RGS7BP: variants seen among roughly 807,000 people sequenced by gnomAD.
RGS7BP encodes the protein regulator of G protein signaling 7 binding protein.
In RGS7BP, 9 loss-of-function variants were observed where a neutral mutation model predicts 31.3. That is an observed-to-expected ratio of 0.29 (90% CI 0.17 to 0.50). The LOEUF (loss-of-function observed/expected upper bound fraction) is 0.50. RGS7BP is among the 20% of genes least tolerant of loss of function. The pLI, the probability that RGS7BP is intolerant of heterozygous loss-of-function variation, is 0.98. For missense variants in RGS7BP, 274 were observed against 322.0 expected (o/e 0.85, Z 1.14); for synonymous variants, 115 against 120.1 (o/e 0.96, Z 0.28).
intron 2 of RGS7BP, among the ~76,000 whole-genome samples, chr5:64,571,589 G>A (rs1742301939): frequency 6.6e-6 from 1 of 152,140 alleles, no homozygotes; most frequent in South Asian, 2.1e-4. Context: ...TGGGCATTAT[G>A]AGTCTTTTTT....
intron 3 of RGS7BP, among the ~76,000 whole-genome samples, chr5:64,582,784 A>G (rs1378758066): frequency 6.6e-6 from 1 of 152,238 alleles, no homozygotes; most frequent in Non-Finnish European, 1.5e-5. Flanking sequence ...CTCAAGACAA[A>G]GAATAAAATA....
At chr5:64,528,810 CAAAAAAAAAAAAAAAAA>C (rs61488452) in intron 2 of RGS7BP, among the ~76,000 whole-genome samples, 1 of 65,272 alleles carries the variant, frequency 1.5e-5, no homozygotes, top group East Asian at 4.7e-4. Context: ...GACTCCATCT[CAAAAAAAAAAAAAAAAA>C]AAAAAAAAAA....
At chr5:64,538,546 C>CTTTTTTTTTTTTTTTTCTTTTTT (rs1741443057) in intron 2 of RGS7BP, among the ~76,000 whole-genome samples, 1 of 40,024 alleles carries the variant, frequency 2.5e-5, no homozygotes, top group African/African-American at 1.1e-4. Flanking sequence ...TTTTCCTTTT[C>CTTTTTTTTTTTTTTTTCTTTTTT]TTTTTTTTTT....
intron 2 of RGS7BP, among the ~76,000 whole-genome samples, chr5:64,533,421 C>A (rs1468893619): frequency 6.6e-6 from 1 of 152,202 alleles, no homozygotes; most frequent in Admixed American, 6.5e-5. Context: ...ATAAATATCT[C>A]CCAGAACACG....
intron 2 of RGS7BP, among the ~76,000 whole-genome samples, chr5:64,538,546 CTTTTTTT>C (rs1191560944): frequency 1.2e-4 from 5 of 40,036 alleles, no homozygotes; most frequent in African/African-American, 4.5e-4. Flanking sequence ...TTTTCCTTTT[CTTTTTTT>C]TTTTTTTTTT....
intron 2 of RGS7BP, among the ~76,000 whole-genome samples, chr5:64,540,341 A>G (rs1741496249): frequency 6.6e-6 from 1 of 152,190 alleles, no homozygotes; most frequent in Non-Finnish European, 1.5e-5. Context: ...TTTTCATTTA[A>G]CAGTATAATA....
At chr5:64,507,689 A>C (rs1394727268) in intron 1 of RGS7BP, 22 bp from the exon 2 acceptor site, 2 of 1,553,810 alleles carry the variant, frequency 1.3e-6, no homozygotes, top group South Asian at 2.4e-5. Context: ...GGTAAAAAAA[A>C]AAAAACTCAC....
At chr5:64,518,324 C>G in intron 2 of RGS7BP, among the ~76,000 whole-genome samples, 1 of 129,576 alleles carries the variant, frequency 7.7e-6, no homozygotes, top group East Asian at 2.4e-4. Flanking sequence ...CAGCTTTGAA[C>G]AAAATAAAGT....
chr5:64,535,841 C>CT (rs1741336659), intron 2 of RGS7BP, among the ~76,000 whole-genome samples: 2 of 152,158 alleles, frequency 1.3e-5, no homozygotes, highest in Admixed American at 6.5e-5. Flanking sequence ...AAAGGAGCAG[C>CT]TTAATATCAG....
At chr5:64,608,120 C>T (rs1408807644) in intron 5 of RGS7BP, among the ~76,000 whole-genome samples, 3 of 152,032 alleles carry the variant, frequency 2.0e-5, no homozygotes, top group African/African-American at 7.2e-5. Context: ...AGCTTAGGTA[C>T]GTAACAGTCA....
chr5:64,597,591 G>A (rs1303508252), intron 4 of RGS7BP, among the ~76,000 whole-genome samples: 1 of 151,394 alleles, frequency 6.6e-6, no homozygotes, highest in Non-Finnish European at 1.5e-5. Context: ...AGTAACAAGA[G>A]ACTATTAAAA....
chr5:64,578,054 T>G (rs1742483780), intron 3 of RGS7BP, among the ~76,000 whole-genome samples: 1 of 152,206 alleles, frequency 6.6e-6, no homozygotes, highest in African/African-American at 2.4e-5. Flanking sequence ...CAACAACTCT[T>G]CTCTGCTAGC....
intron 2 of RGS7BP, among the ~76,000 whole-genome samples, chr5:64,509,633 G>C (rs1052037623): frequency 6.6e-6 from 1 of 151,968 alleles, no homozygotes. Context: ...TAATCCTCCC[G>C]CCTCAGGCTC....
chr5:64,528,188 A>G (rs112452207), intron 2 of RGS7BP, among the ~76,000 whole-genome samples: 3,421 of 152,194 alleles, frequency 0.022, 71 homozygotes, highest in African/African-American at 0.056. Context: ...CTCCTGCAGT[A>G]TTTGTTCTGG....
intron 2 of RGS7BP, among the ~76,000 whole-genome samples, chr5:64,512,425 C>A (rs561587149): frequency 6.6e-6 from 1 of 152,220 alleles, no homozygotes; most frequent in African/African-American, 2.4e-5. Context: ...ACTTTGGGAC[C>A]AGACTGGCAG....
Position 64,598,956 on chromosome 5 carries a change from A to T in RGS7BP, c.682+521A>T, listed in dbSNP as rs572152213. 2.0e-5 allele frequency among the ~76,000 whole-genome samples: 3 copies of T among 152,320 alleles called. No individual in the cohort carries two copies. The East Asian group carries it at 5.8e-4, about 29-fold the overall frequency. On this transcript the variant is annotated intron_variant, in intron 5 of 5. Transcript: ENST00000334025. ...GGTTAGCTAAATTGGCCAAGGTCAC[A>T]CAGACTGTAAGTAGAAAAACTGGGA... is the stretch of plus-strand genomic sequence containing the variant.
chr5:64,584,283 T>A (rs957063486), intron 3 of RGS7BP, among the ~76,000 whole-genome samples: 1 of 152,214 alleles, frequency 6.6e-6, no homozygotes, highest in Non-Finnish European at 1.5e-5. Context: ...TTGGGAGAGG[T>A]ATTTTCAAGG....
intron 3 of RGS7BP, among the ~76,000 whole-genome samples, chr5:64,586,687 T>C (rs1742763457): frequency 6.6e-6 from 1 of 152,240 alleles, no homozygotes; most frequent in South Asian, 2.1e-4. Context: ...TTCACCGTTG[T>C]ATTCCTAGCA....
intron 2 of RGS7BP, among the ~76,000 whole-genome samples, chr5:64,567,463 C>T (rs965994882): frequency 1.3e-5 from 2 of 152,150 alleles, no homozygotes; most frequent in African/African-American, 4.8e-5. Context: ...AGTCATCAAG[C>T]AAATACCCAC....
Sources: gnomAD v4.1 joint callset for allele counts (sites outside exome capture counted in the v4.1 genomes callset) on GRCh38, gnomAD v4.1.1 for gene constraint, MANE v1.5 for transcripts, NCBI Gene and HGNC (gene_info 2026-07-23, HGNC 2026-07-21) for gene names.